Variants in CACNA1A observed in about 807,000 individuals in gnomAD.
CACNA1A encodes the protein calcium voltage-gated channel subunit alpha1 A.
Under a neutral mutation model 262.4 loss-of-function variants are expected in CACNA1A, and 57 were observed. That is an observed-to-expected ratio of 0.22 (90% CI 0.18 to 0.27). CACNA1A has a LOEUF of 0.27. Ranked by LOEUF, CACNA1A falls within the 10% of genes least tolerant of loss-of-function variation. The pLI is 1.00. For synonymous variants in CACNA1A, 1,431 were observed against 1,419.3 expected (o/e 1.01, Z -0.18); for missense variants, 2,526 against 3,562.8 (o/e 0.71, Z 7.41).
rs2054843653 is a variant in CACNA1A at position 13,212,339 on chromosome 19, C to T, written c.6189+45G>A. On this transcript the variant is annotated intron_variant, in intron 42 of 46. Coordinates refer to ENST00000360228, the MANE Select transcript of CACNA1A (RefSeq NM_001127222.2). This position sits in a 1 kb window ranked among gnomAD's most constrained non-coding sequence, Gnocchi z 5.6. Reference sequence around the variant, plus strand: ...GGGCCCAGATCCCTTCCACCTGAACCACCCGGGCCCTGGGAGCCATTGGGG... The same window carrying T: ...GGGCCCAGATCCCTTCCACCTGAACTACCCGGGCCCTGGGAGCCATTGGGG... 1 of 1,610,738 alleles carries T rather than the reference C, an allele frequency of 6.2e-7. No homozygotes were observed. The highest frequency in any genetic ancestry group is 1.1e-5 in the South Asian group (1 of 90,660).
chr19:13,252,974 C>T lies in CACNA1A; in HGVS notation c.4866+17G>A. ...CTTCTCCCAAGCCCATAGCTGTAGCCCCAAGGTGGTACTTACCAGAATCCC... is the reference window on the plus strand; with the variant it reads ...CTTCTCCCAAGCCCATAGCTGTAGCTCCAAGGTGGTACTTACCAGAATCCC... On this transcript the variant is annotated intron_variant, in intron 30 of 46. Coordinates refer to ENST00000360228, the MANE Select transcript of CACNA1A (RefSeq NM_001127222.2). 1 of 1,531,010 alleles carries T rather than the reference C, an allele frequency of 6.5e-7. No homozygotes were observed. Among genetic ancestry groups the T allele is most frequent in the Non-Finnish European group, 9.1e-7 (1 of 1,104,686 alleles). 94.8% of individuals were successfully genotyped at this position (1,531,010 alleles called of 1,614,324 possible).
At chr19:13,459,948 C>T (rs1008715206) in intron 1 of CACNA1A, among the ~76,000 whole-genome samples, 1 of 152,166 alleles carries the variant, frequency 6.6e-6, no homozygotes, top group East Asian at 1.9e-4. Context: ...GCAATAAAAC[C>T]TTAGCACGTA....
chr19:13,413,366 A>G (rs932121992), intron 3 of CACNA1A, among the ~76,000 whole-genome samples: 11 of 150,890 alleles, frequency 7.3e-5, no homozygotes, highest in Non-Finnish European at 1.5e-4. Flanking sequence ...TTGGCCTCCC[A>G]AAGTGCTGGG....
chr19:13,254,785 C>T (rs2056499000), intron 29 of CACNA1A, among the ~76,000 whole-genome samples: 1 of 152,122 alleles, frequency 6.6e-6, no homozygotes, highest in African/African-American at 2.4e-5. Flanking sequence ...TGTCATGCAA[C>T]CTGACGCAGA....
chr19:13,208,077 A>C (rs1288499799), intron 46 of CACNA1A, 24 bp from the exon 47 acceptor site: 1 of 1,264,144 alleles, frequency 7.9e-7, no homozygotes, highest in African/African-American at 1.6e-5. Flanking sequence ...GAAACAAAGG[A>C]AATCAAAAAA....
At chr19:13,380,461 C>T (rs929506163) in intron 3 of CACNA1A, among the ~76,000 whole-genome samples, 15 of 150,688 alleles carry the variant, frequency 1.0e-4, no homozygotes, top group Non-Finnish European at 1.9e-4. Context: ...GCCTGGCCAA[C>T]ATGGCGAAAC....
At position 13,464,686 on chromosome 19, in the gene CACNA1A, T is replaced by C. The variant is rs540863533; in HGVS notation, c.294-9474A>G. On this transcript the variant is annotated intron_variant, in intron 1 of 46. Transcript: ENST00000360228. ...GCCTCAGCCTCCCGAGTAGCTGGGA[T>C]TACAGGCGCCTGCCACCGCGCCCGG... Among the ~76,000 whole-genome samples, 309 of 145,560 alleles carry C rather than the reference T, an allele frequency of 2.1e-3. 4 individuals carry two copies. The highest frequency in any genetic ancestry group is 0.019 in the East Asian group (89 of 4,708).
chr19:13,296,738 A>G (rs1479046630), intron 19 of CACNA1A, among the ~76,000 whole-genome samples: 1 of 151,344 alleles, frequency 6.6e-6, no homozygotes, highest in Non-Finnish European at 1.5e-5. Context: ...TAACGGCCCA[A>G]AGTGCCTTTT....
At chr19:13,302,006 G>A (rs1033565979) in intron 17 of CACNA1A, among the ~76,000 whole-genome samples, 1 of 151,938 alleles carries the variant, frequency 6.6e-6, no homozygotes, top group African/African-American at 2.4e-5. Flanking sequence ...AACCAGTGCT[G>A]GGCCCTGGAA....
chr19:13,402,877 TATA>T (rs2059931376), intron 3 of CACNA1A, among the ~76,000 whole-genome samples: 1 of 47,068 alleles, frequency 2.1e-5, no homozygotes, highest in Non-Finnish European at 3.3e-5. Context: ...CACACACATA[TATA>T]TATATATATA....
At chr19:13,234,222 C>T (rs1316012225) in intron 34 of CACNA1A, among the ~76,000 whole-genome samples, 2 of 150,222 alleles carry the variant, frequency 1.3e-5, no homozygotes, top group Admixed American at 6.7e-5. Context: ...TGGTGGCGGG[C>T]GCCTGTAGTC....
intron 19 of CACNA1A, among the ~76,000 whole-genome samples, chr19:13,298,276 G>C (rs1202296837): frequency 6.6e-6 from 1 of 151,324 alleles, no homozygotes; most frequent in East Asian, 2.0e-4. Context: ...GGCTACAGGC[G>C]CCTGCCACCG....
chr19:13,241,481 A>C lies in CACNA1A; in HGVS notation c.4950+3701T>G, dbSNP rs1228240935. ...GACGCGAGGAGATGCGTTCACAGTT[A>C]ATGTAAGGCATTTAGACTTCAGAAA... On this transcript the variant is annotated intron_variant, in intron 31 of 46. Transcript: ENST00000360228. This position sits in a 1 kb window ranked among gnomAD's most constrained non-coding sequence, Gnocchi z 4.0. 1.4e-6 allele frequency: 2 copies of C among 1,380,358 alleles called. No homozygotes were observed. The highest frequency in any genetic ancestry group is 2.0e-6 in the Non-Finnish European group (2 of 1,020,484). The allele number at this position is 1,380,358 out of a possible 1,614,324, so 85.5% of individuals were successfully genotyped here.
At chr19:13,343,769 A>G (rs1453692788) in intron 6 of CACNA1A, among the ~76,000 whole-genome samples, 1 of 152,234 alleles carries the variant, frequency 6.6e-6, no homozygotes, top group African/African-American at 2.4e-5. Flanking sequence ...GACTTAAAAA[A>G]TTTTGGAAAT....
At chr19:13,466,108 T>C (rs35380374) in intron 1 of CACNA1A, among the ~76,000 whole-genome samples, 32,106 of 152,076 alleles carry the variant, frequency 0.21, 4,476 homozygotes, top group Non-Finnish European at 0.31. Flanking sequence ...TACATAACAG[T>C]TGGAGTGCAG....
At chr19:13,437,815 G>T (rs969872575) in intron 3 of CACNA1A, among the ~76,000 whole-genome samples, 4 of 151,990 alleles carry the variant, frequency 2.6e-5, no homozygotes, top group Non-Finnish European at 4.4e-5. Flanking sequence ...TGAGCCAATG[G>T]AATCAGAGCC....
chr19:13,386,952 C>T (rs1033046287), intron 3 of CACNA1A, among the ~76,000 whole-genome samples: 7 of 152,040 alleles, frequency 4.6e-5, no homozygotes, highest in African/African-American at 7.2e-5. Context: ...CTCCTGGCCT[C>T]CAGACTTCTT....
At chr19:13,493,263 C>T (rs1244979702) in intron 1 of CACNA1A, among the ~76,000 whole-genome samples, 2 of 152,234 alleles carry the variant, frequency 1.3e-5, no homozygotes, top group Non-Finnish European at 2.9e-5. Flanking sequence ...AATCCACCCA[C>T]TCCTCTTGAA....
At chr19:13,323,461 T>A (rs10402436) in intron 10 of CACNA1A, among the ~76,000 whole-genome samples, 30,166 of 151,862 alleles carry the variant, frequency 0.2, 3,638 homozygotes, top group East Asian at 0.36. Context: ...TGCACATTTT[T>A]ATTTTTTATT....
Sources: allele counts gnomAD v4.1 joint callset (sites outside exome capture counted in the v4.1 genomes callset), GRCh38; gene constraint gnomAD v4.1.1; non-coding constraint Gnocchi (gnomAD v3.1); transcripts MANE v1.5; gene names NCBI Gene and HGNC (gene_info 2026-07-23, HGNC 2026-07-21).